The following CFAP299 variants were observed in gnomAD, a reference collection of about 807,000 sequenced individuals.
CFAP299 encodes the protein cilia and flagella associated protein 299, also known as cilia- and flagella-associated protein 299.
Under a neutral mutation model 27.0 loss-of-function variants are expected in CFAP299, and 21 were observed. The observed-to-expected ratio is 0.78, with a 90% CI of 0.55 to 1.12. The LOEUF (loss-of-function observed/expected upper bound fraction) is 1.12, where lower values mean the gene tolerates loss of function less well. CFAP299 is among the 50% of genes most tolerant of loss of function. The probability of loss-of-function intolerance (pLI) is 0.00; values close to 1 mark genes in which losing one functional copy is unlikely to be tolerated. For missense variants in CFAP299, 310 were observed against 276.6 expected (o/e 1.12, Z -0.86); for synonymous variants, 104 against 98.1 (o/e 1.06, Z -0.36).
At chr4:80,532,165 A>G (rs899888951) in intron 2 of CFAP299, among the ~76,000 whole-genome samples, 7 of 152,296 alleles carry the variant, frequency 4.6e-5, no homozygotes, top group African/African-American at 1.4e-4. Context: ...GATTTGAGCC[A>G]TAGAGAAGCA....
intron 3 of CFAP299, among the ~76,000 whole-genome samples, chr4:80,785,453 A>G (rs1727188530): frequency 6.6e-6 from 1 of 151,720 alleles, no homozygotes; most frequent in Non-Finnish European, 1.5e-5. Context: ...TTTCCTTTCT[A>G]TTTTCATGGC....
intron 4 of CFAP299, among the ~76,000 whole-genome samples, chr4:80,875,484 A>AC (rs1302289535): frequency 6.6e-6 from 1 of 151,882 alleles, no homozygotes; most frequent in Non-Finnish European, 1.5e-5. Flanking sequence ...ACATGGTGAA[A>AC]CCCCGTCTCT....
At chr4:80,653,056 T>C (rs1740388926) in intron 3 of CFAP299, among the ~76,000 whole-genome samples, 1 of 152,160 alleles carries the variant, frequency 6.6e-6, no homozygotes, top group African/African-American at 2.4e-5. Context: ...CTGCTTTTGT[T>C]GTCTGCTTAA....
At chr4:80,430,657 C>T (rs994611326) in intron 2 of CFAP299, among the ~76,000 whole-genome samples, 1 of 152,168 alleles carries the variant, frequency 6.6e-6, no homozygotes, top group Admixed American at 6.5e-5. Flanking sequence ...TATCAGTTTA[C>T]TCCACTCCTC....
At chr4:80,368,935 C>T (rs1197334226) in intron 2 of CFAP299, among the ~76,000 whole-genome samples, 3 of 116,758 alleles carry the variant, frequency 2.6e-5, no homozygotes, top group Admixed American at 9.4e-5. Context: ...ATTAGGAGTG[C>T]ACAAGGTTTG....
intron 5 of CFAP299, among the ~76,000 whole-genome samples, chr4:80,954,823 C>T (rs890796960): frequency 5.3e-5 from 8 of 151,560 alleles, no homozygotes; most frequent in Admixed American, 3.3e-4. Flanking sequence ...CAAGGGGAAA[C>T]GCTGTCTCTA....
chr4:80,610,821 T>C lies in CFAP299; in HGVS notation c.333+27638T>C, dbSNP rs117103043. Among the ~76,000 whole-genome samples the C allele has an allele frequency of 1.1e-4, 17 of 152,088 alleles. 1 individual carries two copies. In the East Asian group the frequency reaches 3.3e-3, roughly 29 times the overall value. On this transcript the variant is annotated intron_variant, in intron 3 of 5. Transcript: ENST00000358105. Reference sequence around the variant, plus strand: ...TCTTGTTATCAGCCCTCCAACTTAGTTGTAGGAGGGTTTCATCAGTCATGG... The same window carrying C: ...TCTTGTTATCAGCCCTCCAACTTAGCTGTAGGAGGGTTTCATCAGTCATGG...
At chr4:80,607,224 A>G (rs1302719794) in intron 3 of CFAP299, among the ~76,000 whole-genome samples, 1 of 152,098 alleles carries the variant, frequency 6.6e-6, no homozygotes, top group African/African-American at 2.4e-5. Context: ...ATTAAATAAT[A>G]TTTTTATTGT....
At chr4:80,507,034 A>G (rs1235191033) in intron 2 of CFAP299, among the ~76,000 whole-genome samples, 1 of 152,166 alleles carries the variant, frequency 6.6e-6, no homozygotes, top group African/African-American at 2.4e-5. Flanking sequence ...ATTTACTTCA[A>G]GTTTAAAGGA....
At chr4:80,766,671 T>C (rs1725881471) in intron 3 of CFAP299, among the ~76,000 whole-genome samples, 1 of 152,154 alleles carries the variant, frequency 6.6e-6, no homozygotes, top group African/African-American at 2.4e-5. Context: ...TACTATACGA[T>C]ACTAGTTCAA....
At chr4:80,477,165 C>T (rs1057133383) in intron 2 of CFAP299, among the ~76,000 whole-genome samples, 6 of 152,104 alleles carry the variant, frequency 3.9e-5, no homozygotes, top group East Asian at 1.9e-4. Context: ...CAAGCTCAAG[C>T]GATTCTCCCA....
At chr4:80,798,894 A>G (rs1728029888) in intron 3 of CFAP299, among the ~76,000 whole-genome samples, 1 of 151,694 alleles carries the variant, frequency 6.6e-6, no homozygotes, top group African/African-American at 2.4e-5. Context: ...GTTAACAGCA[A>G]GGATTATCAG....
At chr4:80,403,910 T>G (rs1354905430) in intron 2 of CFAP299, among the ~76,000 whole-genome samples, 2 of 152,150 alleles carry the variant, frequency 1.3e-5, no homozygotes, top group Non-Finnish European at 2.9e-5. Flanking sequence ...AGAGTGCCAG[T>G]TTTTATATGT....
chr4:80,382,973 A>C (rs1724784556), intron 2 of CFAP299, among the ~76,000 whole-genome samples: 1 of 152,382 alleles, frequency 6.6e-6, no homozygotes, highest in Non-Finnish European at 1.5e-5. Context: ...AATGTGGTAC[A>C]TATACATCAC....
At chr4:80,857,286 A>C (rs188277438) in intron 3 of CFAP299, among the ~76,000 whole-genome samples, 23,597 of 152,214 alleles carry the variant, frequency 0.16, 2,251 homozygotes, top group Middle Eastern at 0.28. Flanking sequence ...GTTGCTTATC[A>C]GCTTAAGGAG....
intron 4 of CFAP299, among the ~76,000 whole-genome samples, chr4:80,915,435 T>C (rs539924067): frequency 1.9e-3 from 294 of 152,262 alleles, no homozygotes; most frequent in African/African-American, 6.8e-3. Context: ...CACTTTGATG[T>C]ATTTTTCACA....
intron 2 of CFAP299, among the ~76,000 whole-genome samples, chr4:80,535,739 A>C (rs1733710881): frequency 1.3e-5 from 2 of 152,130 alleles, no homozygotes; most frequent in South Asian, 4.1e-4. Context: ...GTATGACTGA[A>C]CCTTGCTCAT....
In CFAP299 at chr4:80,661,054, G is replaced by A. The variant is rs536709607; in HGVS notation, c.333+77871G>A. 1.2e-4 allele frequency among the ~76,000 whole-genome samples: 18 copies of A among 150,282 alleles called. No homozygotes were observed. In the South Asian group the frequency reaches 2.6e-3, roughly 22 times the overall value. On this transcript the variant is annotated intron_variant, in intron 3 of 5. Coordinates refer to ENST00000358105, the MANE Select transcript of CFAP299 (RefSeq NM_152770.3). ...TAAAGTGATGATGGGAGCCGGGCAC[G>A]GTGGCTCACACCTGTAATCCCAGCA... is the stretch of plus-strand genomic sequence containing the variant.
intron 3 of CFAP299, among the ~76,000 whole-genome samples, chr4:80,712,978 C>T (rs1020779033): frequency 7.9e-5 from 12 of 152,132 alleles, no homozygotes; most frequent in African/African-American, 2.9e-4. Context: ...TTTTTGAGAG[C>T]ATTTAGTATG....
Sources: gnomAD v4.1 joint callset for allele counts (sites outside exome capture counted in the v4.1 genomes callset) on GRCh38, gnomAD v4.1.1 for gene constraint, MANE v1.5 for transcripts, NCBI Gene and HGNC (gene_info 2026-07-23, HGNC 2026-07-21) for gene names.